The following DCUN1D4 variants were observed in gnomAD, a reference collection of about 807,000 sequenced individuals.
DCUN1D4 encodes defective in cullin neddylation 1 domain containing 4, also known as DCN1-like protein 4.
A neutral mutation model predicts 47.9 loss-of-function variants in DCUN1D4; 22 were observed. That is an observed-to-expected ratio of 0.46 (90% CI 0.33 to 0.66). The LOEUF (loss-of-function observed/expected upper bound fraction) is 0.66, where lower values mean the gene tolerates loss of function less well. Ranked by LOEUF, DCUN1D4 falls within the 30% of genes least tolerant of loss-of-function variation. The pLI, the probability that DCUN1D4 is intolerant of heterozygous loss-of-function variation, is 0.02. For missense variants in DCUN1D4, 301 were observed against 340.8 expected (o/e 0.88, Z 0.92); for synonymous variants, 121 against 112.2 (o/e 1.08, Z -0.50).
the DCUN1D4 span, among the ~76,000 whole-genome samples, chr4:51,835,120 G>C: frequency 4.6e-5 from 7 of 152,198 alleles, no homozygotes; most frequent in South Asian, 1.4e-3. Context: ...ATCTGTGTTG[G>C]GGATGCAGGT....
Position 51,862,566 on chromosome 4 carries a change from C to A in DCUN1D4, c.26-871C>A, listed in dbSNP as rs185499416. Among the ~76,000 whole-genome samples, 4 of 152,264 alleles carry A rather than the reference C, an allele frequency of 2.6e-5. No homozygotes were observed. The East Asian group carries it at 7.7e-4, about 29-fold the overall frequency. ...GAGAGTTACAATATCTTTTCATGGT[C>A]ATTTTCATACTAACCTTTAATAGGA... On this transcript the variant is annotated intron_variant, in intron 1 of 10. Transcript: ENST00000334635.
chr4:51,860,170 G>GA (rs1260964712), intron 1 of DCUN1D4, among the ~76,000 whole-genome samples: 12 of 152,028 alleles, frequency 7.9e-5, no homozygotes, highest in Non-Finnish European at 1.8e-4. Flanking sequence ...TGAGACGAAA[G>GA]AAAAATTATC....
intron 1 of DCUN1D4, among the ~76,000 whole-genome samples, chr4:51,845,582 C>T (rs995376338): frequency 6.6e-6 from 1 of 152,164 alleles, no homozygotes; most frequent in Non-Finnish European, 1.5e-5. Context: ...TTCACCAGTT[C>T]CCTTTACTGT....
chr4:51,905,604 A>G (rs952103681), intron 8 of DCUN1D4, among the ~76,000 whole-genome samples: 1 of 152,194 alleles, frequency 6.6e-6, no homozygotes, highest in Non-Finnish European at 1.5e-5. Flanking sequence ...AGATTAGATG[A>G]AGAGAATAGA....
At chr4:51,843,453 C>G in intron 1 of DCUN1D4, 186 bp downstream of exon 1, 2 of 1,098,934 alleles carry the variant, frequency 1.8e-6, no homozygotes, top group Non-Finnish European at 2.3e-6. Context: ...GGGGCGGGGG[C>G]GGGCGTGGGG....
chr4:51,834,103 CT>C, the DCUN1D4 span, among the ~76,000 whole-genome samples: 78 of 42,576 alleles, frequency 1.8e-3, 3 homozygotes, highest in African/African-American at 5.8e-3. Context: ...TTTCTTCTTT[CT>C]TTTTTTTTTC....
At chr4:51,850,058 C>G (rs1723146031) in intron 1 of DCUN1D4, among the ~76,000 whole-genome samples, 1 of 152,074 alleles carries the variant, frequency 6.6e-6, no homozygotes, top group African/African-American at 2.4e-5. Context: ...CCCTTGTAGT[C>G]AGTGCTTCTC....
chr4:51,843,346 C>T (rs1721893002), intron 1 of DCUN1D4, 79 bp downstream of exon 1: 7 of 1,449,038 alleles, frequency 4.8e-6, no homozygotes, highest in Non-Finnish European at 5.5e-6. Flanking sequence ...AGTCCCCGCC[C>T]CACGCCTCGG....
At chr4:51,890,861 C>A (rs577175270) in intron 6 of DCUN1D4, among the ~76,000 whole-genome samples, 1 of 152,194 alleles carries the variant, frequency 6.6e-6, no homozygotes, top group African/African-American at 2.4e-5. Context: ...GCTATCTTTT[C>A]TCTAAAATAG....
intron 5 of DCUN1D4, among the ~76,000 whole-genome samples, chr4:51,882,762 A>G (rs1728869037): frequency 6.6e-6 from 1 of 152,116 alleles, no homozygotes; most frequent in Non-Finnish European, 1.5e-5. Flanking sequence ...GCCAGACTCC[A>G]TTTCAAAAAA....
chr4:51,868,336 C>G (rs767241711), intron 3 of DCUN1D4, among the ~76,000 whole-genome samples: 3 of 152,230 alleles, frequency 2.0e-5, no homozygotes, highest in Admixed American at 1.3e-4. Flanking sequence ...CCCTGCTGCT[C>G]CTCCTCCACT....
chr4:51,835,702 C>T, the DCUN1D4 span, among the ~76,000 whole-genome samples: 1 of 151,680 alleles, frequency 6.6e-6, no homozygotes, highest in Non-Finnish European at 1.5e-5. Context: ...CTTGGGGCCT[C>T]GGGTTGAGGG....
At chr4:51,855,167 T>C (rs535569444) in intron 1 of DCUN1D4, among the ~76,000 whole-genome samples, 16 of 152,198 alleles carry the variant, frequency 1.1e-4, no homozygotes, top group South Asian at 2.1e-4. Context: ...GTTGTGTGAC[T>C]CTGCTGATAT....
At chr4:51,896,406 C>A (rs1015927307) in intron 7 of DCUN1D4, among the ~76,000 whole-genome samples, 1 of 152,130 alleles carries the variant, frequency 6.6e-6, no homozygotes, top group African/African-American at 2.4e-5. Flanking sequence ...TCTGTTAAAA[C>A]AAACAACCGC....
intron 1 of DCUN1D4, among the ~76,000 whole-genome samples, chr4:51,849,504 C>G (rs977005334): frequency 2.0e-5 from 3 of 152,180 alleles, no homozygotes; most frequent in African/African-American, 7.2e-5. Flanking sequence ...TGTCGCTGGT[C>G]AGATACGTGG....
intron 8 of DCUN1D4, among the ~76,000 whole-genome samples, chr4:51,901,031 A>G (rs1320092266): frequency 5.3e-5 from 8 of 152,016 alleles, no homozygotes; most frequent in Admixed American, 3.9e-4. Flanking sequence ...CCTCCACTGC[A>G]GCCTCACCGG....
At chr4:51,881,517 G>C (rs550458317) in intron 5 of DCUN1D4, among the ~76,000 whole-genome samples, 1 of 152,246 alleles carries the variant, frequency 6.6e-6, no homozygotes, top group African/African-American at 2.4e-5. Context: ...AATATCTTTA[G>C]TTAGGGGCCC....
the DCUN1D4 span, among the ~76,000 whole-genome samples, chr4:51,835,392 G>T: frequency 6.6e-6 from 1 of 152,218 alleles, no homozygotes; most frequent in South Asian, 2.1e-4. Context: ...GACAGTACCT[G>T]CTACAAAGTC....
At chr4:51,909,607 G>T (rs1157948865) in intron 8 of DCUN1D4, among the ~76,000 whole-genome samples, 1 of 152,200 alleles carries the variant, frequency 6.6e-6, no homozygotes, top group Non-Finnish European at 1.5e-5. Context: ...GCGTACTGCA[G>T]CCCTGAGCAG....
Sources: allele counts gnomAD v4.1 joint callset (sites outside exome capture counted in the v4.1 genomes callset), GRCh38; gene constraint gnomAD v4.1.1; transcripts MANE v1.5; gene names NCBI Gene and HGNC (gene_info 2026-07-23, HGNC 2026-07-21).